PTPRK: variants seen among roughly 807,000 people sequenced by gnomAD.
PTPRK encodes the protein protein tyrosine phosphatase receptor type K.
In PTPRK, 75 loss-of-function variants were observed where a neutral mutation model predicts 178.0. The ratio of observed to expected loss-of-function variants is 0.42; its 90% confidence interval spans 0.35 to 0.51. The LOEUF (loss-of-function observed/expected upper bound fraction) is 0.51. Among genes scored for constraint, PTPRK ranks in the 20% least tolerant of loss-of-function variants. The probability of loss-of-function intolerance (pLI) is 0.02; values close to 1 mark genes in which losing one functional copy is unlikely to be tolerated. For missense variants in PTPRK, 1,441 were observed against 1,797.8 expected (o/e 0.80, Z 3.59); for synonymous variants, 637 against 620.6 (o/e 1.03, Z -0.39).
chr6:128,053,300 C>T (rs1311090668), intron 13 of PTPRK, among the ~76,000 whole-genome samples: 2 of 152,054 alleles, frequency 1.3e-5, no homozygotes, highest in Non-Finnish European at 2.9e-5. Flanking sequence ...CGGCTGTGCT[C>T]CTCACTCCAT....
At chr6:128,048,458 C>A (rs796358917) in intron 13 of PTPRK, among the ~76,000 whole-genome samples, 6 of 152,324 alleles carry the variant, frequency 3.9e-5, no homozygotes, top group African/African-American at 1.4e-4. Flanking sequence ...TCCTGCCCTA[C>A]ATGGGTGATG....
chr6:128,193,557 C>A (rs1263959176), intron 6 of PTPRK, among the ~76,000 whole-genome samples: 1 of 151,912 alleles, frequency 6.6e-6, no homozygotes, highest in African/African-American at 2.4e-5. Context: ...TGCTGCTCTT[C>A]ATATTCAACA....
At chr6:128,095,657 G>A (rs2115040272) in intron 7 of PTPRK, among the ~76,000 whole-genome samples, 1 of 152,270 alleles carries the variant, frequency 6.6e-6, no homozygotes, top group Admixed American at 6.5e-5. Context: ...AAGGCTGAAG[G>A]TCCTGTGTGT....
chr6:128,462,985 G>T (rs779238062), intron 1 of PTPRK, among the ~76,000 whole-genome samples: 1 of 152,074 alleles, frequency 6.6e-6, no homozygotes, highest in South Asian at 2.1e-4. Context: ...TAATTTCTTC[G>T]TTAAATATTT....
intron 18 of PTPRK, among the ~76,000 whole-genome samples, chr6:127,994,178 C>A (rs1274309807): frequency 6.6e-6 from 1 of 151,594 alleles, no homozygotes; most frequent in Admixed American, 6.6e-5. Context: ...TACATAATGA[C>A]AATTCATAAC....
intron 3 of PTPRK, among the ~76,000 whole-genome samples, chr6:128,278,342 G>A (rs1821109902): frequency 6.6e-6 from 1 of 151,900 alleles, no homozygotes; most frequent in African/African-American, 2.4e-5. Context: ...ATTTTTAGTA[G>A]AGACAGTGTT....
intron 7 of PTPRK, among the ~76,000 whole-genome samples, chr6:128,156,227 T>G (rs1303962793): frequency 6.6e-6 from 1 of 151,930 alleles, no homozygotes; most frequent in Non-Finnish European, 1.5e-5. Flanking sequence ...AAATATGGAA[T>G]TTCTTAAATA....
Position 128,520,388 on chromosome 6 carries a change from T to G in PTPRK, c.-30A>C, listed in dbSNP as rs779548101. On this transcript the variant is annotated 5_prime_UTR_variant, in exon 1 of 30. Transcript: ENST00000368226. The stretch of plus-strand genomic sequence containing the variant: ...AGTTTGGGAGAAGTTTCAAGCAGCT[T>G]TGCAAAGAGCTGCCGGGGGGATCGC... 7 of 1,575,162 alleles carry G rather than the reference T, an allele frequency of 4.4e-6. No homozygotes were observed. The highest frequency in any genetic ancestry group is 6.0e-6 in the Non-Finnish European group (7 of 1,158,446).
At chr6:128,337,835 G>A (rs927490432) in intron 2 of PTPRK, among the ~76,000 whole-genome samples, 5 of 152,168 alleles carry the variant, frequency 3.3e-5, no homozygotes, top group Admixed American at 6.6e-5. Flanking sequence ...AAAAAGTGAT[G>A]TCTGAGCTGT....
intron 2 of PTPRK, among the ~76,000 whole-genome samples, chr6:128,364,570 G>T (rs1835221810): frequency 6.6e-6 from 1 of 151,944 alleles, no homozygotes; most frequent in Non-Finnish European, 1.5e-5. Context: ...CCTTAATAAG[G>T]CATTGTTAAG....
chr6:128,018,785 T>C (rs1772992881), intron 13 of PTPRK, among the ~76,000 whole-genome samples: 1 of 152,062 alleles, frequency 6.6e-6, no homozygotes, highest in Non-Finnish European at 1.5e-5. Flanking sequence ...TATTATAGCA[T>C]CACAGAAGCA....
At chr6:128,064,713 G>C (rs1781453572) in intron 13 of PTPRK, 45 bp downstream of exon 13, 2 of 1,559,826 alleles carry the variant, frequency 1.3e-6, no homozygotes, top group East Asian at 4.6e-5. Flanking sequence ...ATTTTAGAAA[G>C]GGGGTGAGAG....
chr6:127,984,416 T>C (rs1463669595), intron 22 of PTPRK, among the ~76,000 whole-genome samples: 2 of 152,156 alleles, frequency 1.3e-5, no homozygotes, highest in Non-Finnish European at 2.9e-5. Context: ...ATTTTATATA[T>C]AGAAGTCAAT....
intron 2 of PTPRK, among the ~76,000 whole-genome samples, chr6:128,374,449 C>A (rs772154752): frequency 2.2e-4 from 34 of 152,230 alleles, no homozygotes; most frequent in Non-Finnish European, 5.0e-4. Context: ...ACCTAACTCC[C>A]ATTCTTCCCA....
chr6:128,205,221 T>C (rs1221291024), intron 6 of PTPRK, among the ~76,000 whole-genome samples: 3 of 151,990 alleles, frequency 2.0e-5, no homozygotes, highest in Non-Finnish European at 2.9e-5. Flanking sequence ...TGAGAACACA[T>C]GGATACATGG....
chr6:128,103,957 C>A (rs966545145), intron 7 of PTPRK, among the ~76,000 whole-genome samples: 9 of 152,178 alleles, frequency 5.9e-5, no homozygotes, highest in African/African-American at 2.2e-4. Flanking sequence ...GACCTCAGCA[C>A]CTACTACTCA....
At chr6:128,035,505 T>C (rs1476274357) in intron 13 of PTPRK, among the ~76,000 whole-genome samples, 1 of 152,210 alleles carries the variant, frequency 6.6e-6, no homozygotes, top group Non-Finnish European at 1.5e-5. Flanking sequence ...AAGTTGGGAT[T>C]TCACCTTATG....
At chr6:128,474,528 T>C (rs984506313) in intron 1 of PTPRK, among the ~76,000 whole-genome samples, 5 of 152,062 alleles carry the variant, frequency 3.3e-5, no homozygotes, top group African/African-American at 1.2e-4. Context: ...TATATAAGTA[T>C]CTGTATACTC....
chr6:128,404,915 G>A (rs1035997983), intron 1 of PTPRK, among the ~76,000 whole-genome samples: 12 of 152,178 alleles, frequency 7.9e-5, no homozygotes, highest in African/African-American at 2.9e-4. Flanking sequence ...TCCTAAAAGT[G>A]AGGCAGGATT....
Sources: allele counts gnomAD v4.1 joint callset (sites outside exome capture counted in the v4.1 genomes callset), GRCh38; gene constraint gnomAD v4.1.1; transcripts MANE v1.5; gene names NCBI Gene and HGNC (gene_info 2026-07-23, HGNC 2026-07-21).